FARP1: variants seen among roughly 807,000 people sequenced by gnomAD.
FARP1 encodes the protein FERM, ARHGEF and pleckstrin domain-containing protein 1.
Under a neutral mutation model 128.8 loss-of-function variants are expected in FARP1, and 52 were observed. The ratio of observed to expected loss-of-function variants is 0.40; its 90% CI spans 0.32 to 0.51. The LOEUF is 0.51. Ranked by LOEUF, FARP1 falls within the 20% of genes least tolerant of loss-of-function variation. The probability of loss-of-function intolerance (pLI) is 0.45; values close to 1 mark genes in which losing one functional copy is unlikely to be tolerated. For missense variants in FARP1, 1,333 were observed against 1,367.9 expected (o/e 0.97, Z 0.40); for synonymous variants, 580 against 551.8 (o/e 1.05, Z -0.72).
intron 3 of FARP1, among the ~76,000 whole-genome samples, chr13:98,364,127 C>T (rs997557531): frequency 5.3e-5 from 8 of 152,226 alleles, no homozygotes; most frequent in African/African-American, 1.9e-4. Flanking sequence ...AAAATGTTTA[C>T]GATGATAAAA....
intron 2 of FARP1, among the ~76,000 whole-genome samples, chr13:98,324,160 T>G (rs1011166478): frequency 4.6e-5 from 7 of 152,220 alleles, no homozygotes; most frequent in Non-Finnish European, 1.0e-4. Flanking sequence ...GTGAAATGTT[T>G]TCTAAATTTC....
rs34010258 is a variant in FARP1 at position 98,278,992 on chromosome 13, A to AT, written c.172-64754dup. ...AGGCACCTGCCACCACGCCCTGCTA[A>AT]TTTTTTTTTTTTTTTTGTATTTTTA... On this transcript the variant is annotated intron_variant, in intron 2 of 26. Transcript: ENST00000319562. Among the ~76,000 whole-genome samples, 434 of 137,752 alleles carry AT rather than the reference A, an allele frequency of 3.2e-3. 2 individuals are homozygous for AT. The highest frequency in any genetic ancestry group is 0.011 in the East Asian group (51 of 4,800). 90.4% of individuals were successfully genotyped at this position (137,752 alleles called of 152,430 possible).
rs146071182 is a variant in FARP1, at chr13:98,435,577, C to T, written c.2145C>T (p.Ala715=). Residue 715 remains alanine (A), a splice_region_variant and synonymous_variant, in exon 19 of 27, where the codon GCC becomes GCT. Coordinates refer to ENST00000319562, the MANE Select transcript of FARP1 (RefSeq NM_005766.4). ...PSHADFRDCR[A]ALAEITEMVA... ...ACTGTGTATGTCTTTCCTTCACAGC[C>T]GCTTTGGCAGAGATCACGGAGATGG... 2.5e-5 allele frequency: 40 copies of T among 1,609,168 alleles called. No individual in the cohort carries two copies. The highest frequency in any genetic ancestry group is 1.7e-4 in the Middle Eastern group (1 of 6,056).
chr13:98,426,115 A>G (rs1390915506), intron 17 of FARP1, among the ~76,000 whole-genome samples: 1 of 152,214 alleles, frequency 6.6e-6, no homozygotes, highest in Non-Finnish European at 1.5e-5. Context: ...ACACTCATAG[A>G]ATGAAATTAC....
chr13:98,437,546 G>A (rs940453836), intron 19 of FARP1, among the ~76,000 whole-genome samples: 2 of 152,000 alleles, frequency 1.3e-5, no homozygotes, highest in African/African-American at 4.9e-5. Context: ...TTACCGGGTG[G>A]TGTCTGTGCT....
intron 2 of FARP1, among the ~76,000 whole-genome samples, chr13:98,221,828 A>AT (rs1881430770): frequency 6.6e-6 from 1 of 152,120 alleles, no homozygotes; most frequent in East Asian, 1.9e-4. Flanking sequence ...TCTTCTCAAT[A>AT]TGGGCTCTGT....
At chr13:98,188,341 C>T (rs1032507168) in intron 1 of FARP1, among the ~76,000 whole-genome samples, 2 of 152,046 alleles carry the variant, frequency 1.3e-5, no homozygotes, top group African/African-American at 4.8e-5. Context: ...ATCACGAGGT[C>T]AGGAGTTCGA....
At position 98,410,816 on chromosome 13, in the gene FARP1, T is replaced by C. The variant is rs749966621; in HGVS notation, c.1685T>C (p.Ile562Thr). The C allele has an allele frequency of 4.5e-6, 7 of 1,557,422 alleles. No homozygotes were observed. The highest frequency in any genetic ancestry group is 1.1e-5 in the South Asian group (1 of 88,380). Residue 562 changes from isoleucine to threonine, a missense_variant, in exon 15 of 27, where the codon ATC becomes ACC. Physicochemically the swap from Ile to Thr is moderately conservative, Grantham distance 89. This residue lies in a region of FARP1 where 1,009 missense variants were observed against 969.8 expected (regional missense o/e 1.04). Coordinates refer to ENST00000319562, the MANE Select transcript of FARP1 (RefSeq NM_005766.4). ...ERTYLKDLEVITSWFQSTVSK... is the reference protein window; with the variant it reads ...ERTYLKDLEVTTSWFQSTVSK... ...ACATATCTGAAGGATCTCGAAGTTATCACTTCGGTATGTGCAGTATTTCCC... is the reference window on the plus strand; with the variant it reads ...ACATATCTGAAGGATCTCGAAGTTACCACTTCGGTATGTGCAGTATTTCCC...
chr13:98,145,018 A>G (rs1875416268), intron 1 of FARP1, among the ~76,000 whole-genome samples: 1 of 152,214 alleles, frequency 6.6e-6, no homozygotes, highest in African/African-American at 2.4e-5. Context: ...GAGTTACTCC[A>G]AGCACAACGA....
intron 2 of FARP1, chr13:98,329,648 C>T (rs555015997): frequency 6.6e-6 from 1 of 152,200 alleles, no homozygotes; most frequent in Non-Finnish European, 1.5e-5. Flanking sequence ...GGCAACAGAG[C>T]AAGACTCTGT....
At chr13:98,419,228 C>T (rs1158034005) in intron 16 of FARP1, among the ~76,000 whole-genome samples, 1 of 152,158 alleles carries the variant, frequency 6.6e-6, no homozygotes, top group African/African-American at 2.4e-5. Context: ...AATCCCAGCA[C>T]TTTGGGAGGC....
In FARP1 at chr13:98,411,956, T is replaced by A; in HGVS notation, c.1748T>A (p.Leu583His). The A allele has an allele frequency of 1.2e-6, 2 of 1,614,048 alleles. No individual in the cohort carries two copies. Among genetic ancestry groups the A allele is most frequent in the Non-Finnish European group, 1.7e-6 (2 of 1,179,902 alleles). The change falls in exon 16 of 27, where the codon CTC becomes CAC. Residue 583 changes from leucine to histidine, a missense_variant. This residue lies in a region of FARP1 where 1,009 missense variants were observed against 969.8 expected (regional missense o/e 1.04). Transcript: ENST00000319562. ...GCCATGCCGGAAGCACTGAAAAGTC[T>A]CATATTCCCGAATTTTGAACCTTTG... ...EDAMPEALKS[L>H]IFPNFEPLHK...
chr13:98,236,074 T>C (rs1882398328), intron 2 of FARP1, among the ~76,000 whole-genome samples: 1 of 152,196 alleles, frequency 6.6e-6, no homozygotes, highest in Admixed American at 6.5e-5. Flanking sequence ...TCTGCCCGCC[T>C]CGGCCTTCCG....
At chr13:98,346,433 G>A (rs1340502509) in intron 3 of FARP1, among the ~76,000 whole-genome samples, 1 of 150,992 alleles carries the variant, frequency 6.6e-6, no homozygotes, top group Non-Finnish European at 1.5e-5. Flanking sequence ...CAGGTGATCC[G>A]CCCGCCTCAA....
chr13:98,397,498 G>A (rs369171903), intron 13 of FARP1: 1 of 152,144 alleles, frequency 6.6e-6, no homozygotes, highest in African/African-American at 2.4e-5. Context: ...GAAAATGTAA[G>A]GAGAGAGAGA....
Position 98,273,734 on chromosome 13 carries a change from T to A in FARP1, c.171+60321T>A, listed in dbSNP as rs180795068. On this transcript the variant is annotated intron_variant, in intron 2 of 26. Coordinates refer to ENST00000319562, the MANE Select transcript of FARP1 (RefSeq NM_005766.4). The stretch of plus-strand genomic sequence containing the variant: ...AGCTCGTGTGAAGCAGCAAATGCTA[T>A]TTTGTGTGTAGAGAAATAGAAGGTC... 3.9e-5 allele frequency among the ~76,000 whole-genome samples: 6 copies of A among 152,310 alleles called. No homozygotes were observed. In the East Asian group the frequency reaches 1.2e-3, roughly 29 times the overall value.
chr13:98,258,808 A>C (rs1212691978), intron 2 of FARP1, among the ~76,000 whole-genome samples: 1 of 152,232 alleles, frequency 6.6e-6, no homozygotes, highest in African/African-American at 2.4e-5. Context: ...AGATCAGGCA[A>C]CCCAGGAATG....
chr13:98,318,950 GTTTTTT>G (rs56166470), intron 2 of FARP1, among the ~76,000 whole-genome samples: 6 of 120,660 alleles, frequency 5.0e-5, no homozygotes, highest in South Asian at 2.6e-4. Flanking sequence ...GTTTTTTCTT[GTTTTTT>G]TTTTTTTTTT....
intron 2 of FARP1, among the ~76,000 whole-genome samples, chr13:98,258,369 T>C (rs1322777429): frequency 6.6e-6 from 1 of 152,216 alleles, no homozygotes; most frequent in Non-Finnish European, 1.5e-5. Context: ...CCTGTACTTT[T>C]AACTCTGAAG....
Sources: gnomAD v4.1 joint callset for allele counts (sites outside exome capture counted in the v4.1 genomes callset) on GRCh38, gnomAD v4.1.1 for gene constraint, gnomAD v4.1.1 regional missense constraint, MANE v1.5 for transcripts, NCBI Gene and HGNC (gene_info 2026-07-23, HGNC 2026-07-21) for gene names.